Variants in VSTM5 observed in about 807,000 individuals in gnomAD.
The protein encoded by VSTM5 is V-set and transmembrane domain containing 5.
Under a neutral mutation model 20.3 loss-of-function variants are expected in VSTM5, and 21 were observed. The observed-to-expected ratio is 1.03, with a 90% CI of 0.73 to 1.49. VSTM5 has a LOEUF of 1.49. Among genes scored for constraint, VSTM5 ranks in the 40% most tolerant of loss-of-function variants. The pLI is 0.00. For synonymous variants in VSTM5, 100 were observed against 102.5 expected (o/e 0.98, Z 0.14); for missense variants, 219 against 250.0 (o/e 0.88, Z 0.84).
At chr11:93,845,882 A>T (rs1321315169) in intron 1 of VSTM5, among the ~76,000 whole-genome samples, 1 of 152,242 alleles carries the variant, frequency 6.6e-6, no homozygotes, top group African/African-American at 2.4e-5. Flanking sequence ...TTCAAGAGTC[A>T]ACCTCACCTG....
chr11:93,843,992 C>T (rs1262026291), intron 1 of VSTM5, among the ~76,000 whole-genome samples: 1 of 152,170 alleles, frequency 6.6e-6, no homozygotes, highest in Admixed American at 6.5e-5. Context: ...CCACTAGGCT[C>T]CCACAGCACA....
At chr11:93,843,601 A>G (rs1944388920) in intron 1 of VSTM5, among the ~76,000 whole-genome samples, 2 of 152,212 alleles carry the variant, frequency 1.3e-5, no homozygotes, top group Admixed American at 1.3e-4. Context: ...AGCAGCTGTT[A>G]CAGTGCCTGT....
At chr11:93,844,570 T>G (rs970815674) in intron 1 of VSTM5, among the ~76,000 whole-genome samples, 2 of 152,176 alleles carry the variant, frequency 1.3e-5, no homozygotes, top group African/African-American at 4.8e-5. Flanking sequence ...GAAATTAACA[T>G]GAGTCGAAAA....
At chr11:93,847,296 T>C (rs552766561) in intron 1 of VSTM5, among the ~76,000 whole-genome samples, 6 of 152,302 alleles carry the variant, frequency 3.9e-5, no homozygotes, top group Admixed American at 6.5e-5. Flanking sequence ...TGAGGACTTA[T>C]GGAGTGATGG....
intron 1 of VSTM5, among the ~76,000 whole-genome samples, chr11:93,831,274 C>T (rs1018055396): frequency 2.6e-5 from 4 of 152,128 alleles, no homozygotes; most frequent in African/African-American, 7.2e-5. Flanking sequence ...AGCGAACCTC[C>T]CACCTCAACC....
At chr11:93,837,407 C>A (rs187398931) in intron 1 of VSTM5, among the ~76,000 whole-genome samples, 4 of 152,088 alleles carry the variant, frequency 2.6e-5, no homozygotes, top group South Asian at 4.1e-4. Flanking sequence ...CATGCTGCTA[C>A]GTATGCCCTC....
intron 1 of VSTM5, among the ~76,000 whole-genome samples, chr11:93,840,895 C>CA (rs1944365171): frequency 6.6e-6 from 1 of 151,610 alleles, no homozygotes. Flanking sequence ...AAAGCTGAAT[C>CA]AAGAGAAAAC....
In VSTM5 at chr11:93,821,397, A is replaced by G. The variant is rs1370860040; in HGVS notation, c.92-74T>C. 2.3e-6 allele frequency: 3 copies of G among 1,308,950 alleles called. No homozygotes were observed. The African/African-American group carries it at 4.4e-5, about 19-fold the overall frequency. The allele number at this position is 1,308,950 out of a possible 1,614,324, so 81.1% of individuals were successfully genotyped here. ...TGAAGTGAACTTATATAATTTGTTG[A>G]TCTATTACACAAATATTTATTGTGT... On this transcript the variant is annotated intron_variant, in intron 1 of 3. Transcript: ENST00000409977.
intron 1 of VSTM5, among the ~76,000 whole-genome samples, chr11:93,845,726 G>A (rs939515310): frequency 6.6e-6 from 1 of 152,158 alleles, no homozygotes; most frequent in Non-Finnish European, 1.5e-5. Flanking sequence ...CAGTGGCTAA[G>A]TTCCCATGGG....
chr11:93,831,590 G>T (rs1024814275), intron 1 of VSTM5, among the ~76,000 whole-genome samples: 3 of 152,122 alleles, frequency 2.0e-5, no homozygotes, highest in Non-Finnish European at 4.4e-5. Flanking sequence ...CTTGGAGAGG[G>T]CTCACCATGA....
chr11:93,846,720 T>C (rs1370226145), intron 1 of VSTM5, among the ~76,000 whole-genome samples: 1 of 152,090 alleles, frequency 6.6e-6, no homozygotes. Context: ...ACTAAGTTGC[T>C]GAATAAACAG....
intron 1 of VSTM5, among the ~76,000 whole-genome samples, chr11:93,842,315 A>G (rs1944376856): frequency 6.6e-6 from 1 of 152,202 alleles, no homozygotes; most frequent in African/African-American, 2.4e-5. Context: ...CAGATCACAT[A>G]ATGGAACTGG....
chr11:93,837,481 G>A (rs1038518822), intron 1 of VSTM5, among the ~76,000 whole-genome samples: 4 of 152,154 alleles, frequency 2.6e-5, no homozygotes, highest in African/African-American at 7.2e-5. Context: ...GTAATCCCAG[G>A]AAATGTACCA....
chr11:93,826,712 C>G (rs1944241956), intron 1 of VSTM5, among the ~76,000 whole-genome samples: 1 of 152,108 alleles, frequency 6.6e-6, no homozygotes, highest in Non-Finnish European at 1.5e-5. Context: ...CATCTTTTTT[C>G]TTAATGTAAG....
intron 1 of VSTM5, chr11:93,821,812 C>T (rs1944189312): frequency 6.3e-6 from 1 of 159,380 alleles, no homozygotes; most frequent in South Asian, 1.8e-4. Flanking sequence ...GGGTGGGAAT[C>T]GTGTTTTCTT....
intron 1 of VSTM5, among the ~76,000 whole-genome samples, chr11:93,843,565 C>T (rs1039584824): frequency 2.6e-5 from 4 of 152,120 alleles, no homozygotes; most frequent in African/African-American, 9.7e-5. Flanking sequence ...CATCTCGTTG[C>T]AGGCTAACTC....
Position 93,821,076 on chromosome 11 carries a change from C to G in VSTM5, c.339G>C (p.Arg113Ser), listed in dbSNP as rs138835109. 12,620 of 1,551,794 alleles carry G rather than the reference C, an allele frequency of 8.1e-3. 66 individuals are homozygous for G. The highest frequency in any genetic ancestry group is 9.0e-3 in the South Asian group (758 of 84,064). Residue 113 changes from arginine (R) to serine (S), a missense_variant, in exon 2 of 4, where the codon AGG becomes AGC. Arg to Ser is a moderately radical substitution (Grantham distance 110, BLOSUM62 -1). Transcript: ENST00000409977. ...GSIQLFSVGVRDSGYYVITVT... is the reference protein window; with the variant it reads ...GSIQLFSVGVSDSGYYVITVT... ...CGGTGATGACATAGTAGCCGGAATC[C>G]CTCACTCCCACGCTGAAGAGCTGGA...
rs982200257 is a variant in VSTM5 at position 93,821,087 on chromosome 11, C to T, written c.328G>A (p.Val110Met). 14 of 1,551,732 alleles carry T rather than the reference C, an allele frequency of 9.0e-6. No homozygotes were observed. Among genetic ancestry groups the T allele is most frequent in the Admixed American group, 5.9e-5 (3 of 50,992 alleles). The change falls in exon 2 of 4, where the codon GTG becomes ATG. Residue 110 changes from valine (V) to methionine (M), a missense_variant. By Grantham distance (21) the Val-to-Met change is conservative (BLOSUM62 1). Transcript: ENST00000409977. ...FDNGSIQLFS[V>M]GVRDSGYYVI... is the part of the protein sequence containing the mutation. ...TAGTAGCCGGAATCCCTCACTCCCA[C>T]GCTGAAGAGCTGGATGGAGCCGTTG... is the stretch of plus-strand genomic sequence containing the variant.
chr11:93,841,464 G>A (rs115362731), intron 1 of VSTM5, among the ~76,000 whole-genome samples: 1,913 of 152,302 alleles, frequency 0.013, 45 homozygotes, highest in African/African-American at 0.044. Flanking sequence ...GTAACACCTA[G>A]GTGATGCTTC....
Sources: allele counts gnomAD v4.1 joint callset (sites outside exome capture counted in the v4.1 genomes callset), GRCh38; gene constraint gnomAD v4.1.1; transcripts MANE v1.5; gene names NCBI Gene and HGNC (gene_info 2026-07-23, HGNC 2026-07-21).